The following KCNH8 variants were observed in gnomAD, a reference collection of about 807,000 sequenced individuals.
KCNH8 encodes the protein voltage-gated delayed rectifier potassium channel KCNH8.
KCNH8 carries 70 observed loss-of-function variants against 103.6 expected under a neutral mutation model. The observed-to-expected ratio is 0.68, with a 90% CI of 0.56 to 0.82. The LOEUF (loss-of-function observed/expected upper bound fraction) is 0.82, where lower values mean the gene tolerates loss of function less well. Among genes scored for constraint, KCNH8 ranks in the 40% least tolerant of loss-of-function variants. The probability of loss-of-function intolerance (pLI) is 0.00; values close to 1 mark genes in which losing one functional copy is unlikely to be tolerated. For missense variants in KCNH8, 1,217 were observed against 1,329.9 expected, an observed-to-expected ratio of 0.92 and a Z score of 1.32; for synonymous variants, 498 against 489.4, an observed-to-expected ratio of 1.02 and a Z score of -0.23.
chr3:19,487,918 T>G (rs2068243206), intron 11 of KCNH8, among the ~76,000 whole-genome samples: 1 of 152,146 alleles, frequency 6.6e-6, no homozygotes, highest in South Asian at 2.1e-4. Flanking sequence ...TAGTGGAAAC[T>G]TCTGTTGCTC....
At chr3:19,391,913 T>C (rs1268779881) in intron 6 of KCNH8, 2 of 151,906 alleles carry the variant, frequency 1.3e-5, no homozygotes, top group Non-Finnish European at 2.9e-5. Flanking sequence ...AGTATATAAT[T>C]CACAAAAGGT....
intron 1 of KCNH8, among the ~76,000 whole-genome samples, chr3:19,155,022 A>G (rs1157764871): frequency 6.6e-6 from 1 of 152,260 alleles, no homozygotes; most frequent in African/African-American, 2.4e-5. Flanking sequence ...TCAGTAATTT[A>G]AACAGGCAAA....
intron 11 of KCNH8, among the ~76,000 whole-genome samples, chr3:19,497,934 A>G (rs2068479843): frequency 6.6e-6 from 1 of 152,272 alleles, no homozygotes; most frequent in African/African-American, 2.4e-5. Flanking sequence ...CCTTGAAGGC[A>G]TATATATTTA....
At chr3:19,518,702 C>A (rs1030290341) in intron 15 of KCNH8, among the ~76,000 whole-genome samples, 2 of 151,948 alleles carry the variant, frequency 1.3e-5, no homozygotes, top group African/African-American at 4.8e-5. Flanking sequence ...ATATTTTCTT[C>A]CCCCAGTAAG....
chr3:19,362,198 T>C (rs897144037), intron 5 of KCNH8, among the ~76,000 whole-genome samples: 2 of 152,152 alleles, frequency 1.3e-5, no homozygotes, highest in Non-Finnish European at 2.9e-5. Flanking sequence ...ATACAAATTT[T>C]ATTAAATATT....
chr3:19,479,440 A>G (rs2068043360), intron 11 of KCNH8, among the ~76,000 whole-genome samples: 1 of 152,204 alleles, frequency 6.6e-6, no homozygotes, highest in Non-Finnish European at 1.5e-5. Flanking sequence ...GAAATATAGT[A>G]GAGACTCTGT....
intron 11 of KCNH8, among the ~76,000 whole-genome samples, chr3:19,470,004 G>A (rs1390653282): frequency 1.3e-5 from 2 of 152,046 alleles, no homozygotes; most frequent in African/African-American, 4.8e-5. Flanking sequence ...AAAAATGAAA[G>A]CTTGATACTC....
At chr3:19,281,074 G>T in intron 2 of KCNH8, 124 bp from the exon 3 acceptor site, 2 of 917,060 alleles carry the variant, frequency 2.2e-6, no homozygotes, top group Non-Finnish European at 3.3e-6. Context: ...ACATTTTTAA[G>T]ATGGAGGGAG....
chr3:19,515,499 T>A (rs1051035555), intron 14 of KCNH8, 71 bp downstream of exon 14: 3 of 388 alleles, frequency 7.7e-3, no homozygotes, highest in South Asian at 0.021. Context: ...GTTATGGGCA[T>A]TTTTTTTTTT....
intron 1 of KCNH8, among the ~76,000 whole-genome samples, chr3:19,227,632 AAATGAGTTT>A (rs1190163337): frequency 1.3e-5 from 2 of 152,242 alleles, no homozygotes; most frequent in Non-Finnish European, 2.9e-5. Context: ...AAGAATAAGA[AAATGAGTTT>A]AATGTAAAAC....
chr3:19,390,339 C>A, intron 5 of KCNH8, 142 bp from the exon 6 acceptor site: 1 of 641,662 alleles, frequency 1.6e-6, no homozygotes. Context: ...ATTTAATTTT[C>A]TACGATTTTC....
At chr3:19,200,270 G>A (rs1339147336) in intron 1 of KCNH8, among the ~76,000 whole-genome samples, 3 of 151,998 alleles carry the variant, frequency 2.0e-5, no homozygotes, top group Non-Finnish European at 4.4e-5. Flanking sequence ...AAATGTGGCT[G>A]AAAATGTATT....
intron 1 of KCNH8, among the ~76,000 whole-genome samples, chr3:19,214,617 C>T (rs1477587231): frequency 6.6e-6 from 1 of 152,236 alleles, no homozygotes; most frequent in African/African-American, 2.4e-5. Flanking sequence ...AGCTTTCTCT[C>T]TCCTTCTCAA....
rs1307901014 is a variant in KCNH8 at position 19,294,358 on chromosome 3, G to GTTCC, written c.442+13032_442+13035dup. Reference sequence around the variant, plus strand: ...TTTCAACGTGGAACATTGTAGTAATGTTCCTTTCACTTGCTGAAGTATTCT... The same window carrying GTTCC: ...TTTCAACGTGGAACATTGTAGTAATGTTCCTTCCTTTCACTTGCTGAAGTATTCT... On this transcript the variant is annotated intron_variant, in intron 3 of 15. Transcript: ENST00000328405. Among the ~76,000 whole-genome samples, 3 of 152,226 alleles carry GTTCC rather than the reference G, an allele frequency of 2.0e-5. No individual in the cohort carries two copies. In the South Asian group the frequency reaches 6.2e-4, roughly 32 times the overall value.
Position 19,303,426 on chromosome 3 carries a change from CA to C in KCNH8, c.442+22098del, listed in dbSNP as rs774288647. ...TCTGAGAAACCTAAATCCTAAGCGG[CA>C]GTGGAAAGAGCTAACAAGCAACACG... On this transcript the variant is annotated intron_variant, in intron 3 of 15. Coordinates refer to ENST00000328405, the MANE Select transcript of KCNH8 (RefSeq NM_144633.3). Among the ~76,000 whole-genome samples, 4 of 152,268 alleles carry C rather than the reference CA, an allele frequency of 2.6e-5. No individual in the cohort carries two copies. The South Asian group carries it at 6.2e-4, about 24-fold the overall frequency.
chr3:19,272,909 G>A (rs2064610151), intron 2 of KCNH8, among the ~76,000 whole-genome samples: 1 of 152,036 alleles, frequency 6.6e-6, no homozygotes, highest in Non-Finnish European at 1.5e-5. Flanking sequence ...TCCTTTCAGG[G>A]ATAAGACAGA....
At chr3:19,265,199 A>AT (rs2064490756) in intron 2 of KCNH8, among the ~76,000 whole-genome samples, 1 of 152,076 alleles carries the variant, frequency 6.6e-6, no homozygotes, top group South Asian at 2.1e-4. Flanking sequence ...CCCCAGCTTG[A>AT]TCTTTCCTAA....
intron 1 of KCNH8, among the ~76,000 whole-genome samples, chr3:19,216,008 A>G (rs2063814554): frequency 6.6e-6 from 1 of 152,228 alleles, no homozygotes; most frequent in Non-Finnish European, 1.5e-5. Flanking sequence ...AAAAATTAAT[A>G]GGAATTTAGA....
At chr3:19,409,722 A>G (rs939749722) in intron 7 of KCNH8, among the ~76,000 whole-genome samples, 1 of 152,154 alleles carries the variant, frequency 6.6e-6, no homozygotes, top group African/African-American at 2.4e-5. Context: ...CTATTCTCAT[A>G]TCAGATGAAA....
Sources: gnomAD v4.1 joint callset for allele counts (sites outside exome capture counted in the v4.1 genomes callset) on GRCh38, gnomAD v4.1.1 for gene constraint, MANE v1.5 for transcripts, NCBI Gene and HGNC (gene_info 2026-07-23, HGNC 2026-07-21) for gene names.